DTNB: variants seen among roughly 807,000 people sequenced by gnomAD.
DTNB encodes dystrobrevin beta.
Under a neutral mutation model 90.7 loss-of-function variants are expected in DTNB, and 63 were observed. The observed-to-expected ratio is 0.69, with a 90% CI of 0.57 to 0.86. The LOEUF is 0.86. Ranked by LOEUF, DTNB falls within the 40% of genes least tolerant of loss-of-function variation. DTNB has a pLI of 0.00. For missense variants in DTNB, 744 were observed against 807.1 expected (o/e 0.92, Z 0.95); for synonymous variants, 277 against 286.7 (o/e 0.97, Z 0.34).
At position 25,576,821 on chromosome 2, in the gene DTNB, A is replaced by T. The variant is rs1043796775; in HGVS notation, c.876+17T>A. ...AGATTAACACTCAGGGACACAGATG[A>T]AACACAAAGCAGTTACCCAAGAGGA... On this transcript the variant is annotated intron_variant, in intron 8 of 20. Transcript: ENST00000406818. 6 of 1,604,520 alleles carry T rather than the reference A, an allele frequency of 3.7e-6. No individual in the cohort carries two copies. Among genetic ancestry groups the T allele is most frequent in the Non-Finnish European group, 4.3e-6 (5 of 1,174,950 alleles).
intron 16 of DTNB, among the ~76,000 whole-genome samples, chr2:25,417,712 T>C (rs1055498430): frequency 5.9e-5 from 9 of 152,244 alleles, no homozygotes; most frequent in African/African-American, 1.9e-4. Context: ...AAGGAGGGGA[T>C]GCTAGTGGTC....
intron 8 of DTNB, among the ~76,000 whole-genome samples, chr2:25,546,022 T>C (rs1345517919): frequency 6.6e-6 from 1 of 152,216 alleles, no homozygotes; most frequent in Non-Finnish European, 1.5e-5. Context: ...CAAGCAGCCA[T>C]TTGCTGGCTA....
At chr2:25,431,912 G>A (rs753684812) in intron 14 of DTNB, among the ~76,000 whole-genome samples, 1 of 152,084 alleles carries the variant, frequency 6.6e-6, no homozygotes, top group East Asian at 1.9e-4. Flanking sequence ...AAGTTTTTAA[G>A]AGAACGAAAA....
chr2:25,583,214 T>A, intron 6 of DTNB, among the ~76,000 whole-genome samples: 1 of 137,496 alleles, frequency 7.3e-6, no homozygotes, highest in Admixed American at 7.9e-5. Context: ...ACCACTGCAC[T>A]CCAGCCTGAG....
chr2:25,446,786 C>T (rs921311397), intron 12 of DTNB, among the ~76,000 whole-genome samples: 11 of 152,160 alleles, frequency 7.2e-5, no homozygotes, highest in African/African-American at 2.2e-4. Flanking sequence ...ATGTCTTGAA[C>T]ACATTTTGGA....
At chr2:25,640,521 CAG>C (rs1417869179) in intron 2 of DTNB, among the ~76,000 whole-genome samples, 1 of 152,160 alleles carries the variant, frequency 6.6e-6, no homozygotes, top group Non-Finnish European at 1.5e-5. Context: ...ATTATTTCCT[CAG>C]GGGATACCTG....
chr2:25,622,419 G>T (rs2072986319), intron 4 of DTNB, among the ~76,000 whole-genome samples: 1 of 152,198 alleles, frequency 6.6e-6, no homozygotes, highest in Admixed American at 6.5e-5. Context: ...GGTGGAGGTT[G>T]CAGTGAGCCA....
intron 18 of DTNB, chr2:25,385,988 C>A (rs964815010): frequency 2.0e-6 from 2 of 980,390 alleles, no homozygotes; most frequent in African/African-American, 1.7e-5. Flanking sequence ...TTTCTGACAT[C>A]TGTGGGGAGC....
chr2:25,551,998 A>C (rs1240211234), intron 8 of DTNB, among the ~76,000 whole-genome samples: 1 of 152,244 alleles, frequency 6.6e-6, no homozygotes, highest in African/African-American at 2.4e-5. Flanking sequence ...TCAAACATTT[A>C]ATTTCCAGGA....
At chr2:25,482,933 C>A in intron 9 of DTNB, 60 bp from the exon 10 acceptor site, 1 of 1,492,990 alleles carries the variant, frequency 6.7e-7, no homozygotes, top group Non-Finnish European at 9.1e-7. Context: ...ACAAGGGAAA[C>A]GACGATAAGC....
intron 12 of DTNB, among the ~76,000 whole-genome samples, chr2:25,437,092 T>C (rs1308622803): frequency 1.4e-4 from 21 of 151,868 alleles, no homozygotes; most frequent in African/African-American, 2.4e-5. Context: ...TATAAAGAAG[T>C]AGGGGTGGAG....
chr2:25,628,856 T>C (rs138646900), intron 3 of DTNB, among the ~76,000 whole-genome samples: 131 of 152,324 alleles, frequency 8.6e-4, no homozygotes, highest in African/African-American at 3.0e-3. Flanking sequence ...AATATTAATA[T>C]GCTTTAGAGG....
intron 8 of DTNB, among the ~76,000 whole-genome samples, chr2:25,550,177 G>C (rs956107258): frequency 7.9e-5 from 12 of 152,056 alleles, no homozygotes; most frequent in Non-Finnish European, 1.5e-4. Context: ...GGATCACGAG[G>C]TCAGGAGATC....
At chr2:25,581,911 C>T (rs2061606186) in intron 6 of DTNB, among the ~76,000 whole-genome samples, 1 of 152,208 alleles carries the variant, frequency 6.6e-6, no homozygotes, top group Non-Finnish European at 1.5e-5. Context: ...CGGCTGCCTC[C>T]TCCATGTCCT....
intron 10 of DTNB, among the ~76,000 whole-genome samples, chr2:25,480,962 G>A (rs1467552342): frequency 6.6e-6 from 1 of 152,072 alleles, no homozygotes; most frequent in African/African-American, 2.4e-5. Context: ...TGCTTGAGAG[G>A]GCATTGCTGG....
rs182337075 is a variant in DTNB, at chr2:25,562,294, A to C, written c.876+14544T>G. Among the ~76,000 whole-genome samples, 15 of 152,084 alleles carry C rather than the reference A, an allele frequency of 9.9e-5. No homozygotes were observed. The East Asian group carries it at 2.9e-3, about 29-fold the overall frequency. Reference sequence around the variant, plus strand: ...TCTTTTGCTTACCTAATAGTACTCCATTGTATTGATAAACTACACTTTGTC... The same window carrying C: ...TCTTTTGCTTACCTAATAGTACTCCCTTGTATTGATAAACTACACTTTGTC... On this transcript the variant is annotated intron_variant, in intron 8 of 20. Transcript: ENST00000406818.
Position 25,482,809 on chromosome 2 carries a change from T to G in DTNB, c.1066A>C (p.Thr356Pro). 2 of 1,612,402 alleles carry G rather than the reference T, an allele frequency of 1.2e-6. No homozygotes were observed. The highest frequency in any genetic ancestry group is 1.7e-6 in the Non-Finnish European group (2 of 1,179,422). Reference protein sequence around the residue: ...MVSHMSSGVPTPTKRLQYSQD... With the variant: ...MVSHMSSGVPPPTKRLQYSQD... ...AGACATACGTACCTCTTGGTGGGAGTGGGCACTCCAGAGGACATGTGGCTA... is the reference window on the plus strand; with the variant it reads ...AGACATACGTACCTCTTGGTGGGAGGGGGCACTCCAGAGGACATGTGGCTA... Residue 356 changes from threonine to proline, a missense_variant, in exon 10 of 21, where the codon ACT becomes CCT. By Grantham distance (38) the Thr-to-Pro change is conservative. Coordinates refer to ENST00000406818, the MANE Select transcript of DTNB (RefSeq NM_021907.5).
chr2:25,513,793 A>AT (rs891301838), intron 9 of DTNB, among the ~76,000 whole-genome samples: 9 of 151,724 alleles, frequency 5.9e-5, no homozygotes, highest in African/African-American at 2.2e-4. Flanking sequence ...AGCCTGCCTC[A>AT]TTCTGACACA....
rs577092814 is a variant in DTNB at position 25,582,652 on chromosome 2, G to A, written c.604-1826C>T. ...GGGGGCGGGAGGAGCTGAGAACTAC[G>A]CAAAAGGGCTGACAGAATGATTGGC... On this transcript the variant is annotated intron_variant, in intron 6 of 20. Coordinates refer to ENST00000406818, the MANE Select transcript of DTNB (RefSeq NM_021907.5). Among the ~76,000 whole-genome samples the A allele has an allele frequency of 2.6e-5, 4 of 152,240 alleles. No homozygotes were observed. In the East Asian group the frequency reaches 7.7e-4, roughly 29 times the overall value.
Sources: gnomAD v4.1 joint callset for allele counts (sites outside exome capture counted in the v4.1 genomes callset) on GRCh38, gnomAD v4.1.1 for gene constraint, MANE v1.5 for transcripts, NCBI Gene and HGNC (gene_info 2026-07-23, HGNC 2026-07-21) for gene names.